Variants in PTBP3 observed in about 807,000 individuals in gnomAD.
The protein encoded by PTBP3 is polypyrimidine tract binding protein 3.
PTBP3 carries 20 observed loss-of-function variants against 58.7 expected under a neutral mutation model. The observed-to-expected ratio is 0.34, with a 90% CI of 0.24 to 0.50. The LOEUF is 0.50. Ranked by LOEUF, PTBP3 falls within the 20% of genes least tolerant of loss-of-function variation. PTBP3 has a pLI of 0.98. For missense variants in PTBP3, 509 were observed against 637.2 expected (o/e 0.80, Z 2.17); for synonymous variants, 185 against 219.8 (o/e 0.84, Z 1.40).
the PTBP3 span, among the ~76,000 whole-genome samples, chr9:112,347,363 C>T: frequency 7.2e-5 from 9 of 124,904 alleles, no homozygotes; most frequent in African/African-American, 3.1e-4. Context: ...TTTTTTGAGA[C>T]AGGGTCTCAC....
chr9:112,238,296 A>G (rs998946407), intron 7 of PTBP3, among the ~76,000 whole-genome samples: 18 of 152,306 alleles, frequency 1.2e-4, no homozygotes, highest in African/African-American at 4.1e-4. Context: ...TGAAAGCCAC[A>G]ATTGCTAAGA....
intron 1 of PTBP3, chr9:112,298,446 T>C (rs1828784053): frequency 5.3e-6 from 2 of 379,956 alleles, no homozygotes; most frequent in Admixed American, 7.0e-5. Context: ...TACTCTTTTT[T>C]TCAGGTAAGA....
At chr9:112,249,530 G>A (rs114700626) in intron 7 of PTBP3, among the ~76,000 whole-genome samples, 1 of 152,174 alleles carries the variant, frequency 6.6e-6, no homozygotes, top group African/African-American at 2.4e-5. Flanking sequence ...AGGCAAAGTA[G>A]AGAAACTTTC....
At position 112,262,562 on chromosome 9, in the gene PTBP3, T is replaced by G. The variant is rs144595337; in HGVS notation, c.389A>C (p.Gln130Pro). Residue 130 changes from glutamine to proline, a missense_variant, in exon 5 of 14, where the codon CAA becomes CCA. Gln to Pro is a moderately conservative substitution (Grantham distance 76). Coordinates refer to ENST00000374257, the MANE Select transcript of PTBP3 (RefSeq NM_001163788.4). ...QAALQAVSAVQSGSLALSGGP... is the reference protein window; with the variant it reads ...QAALQAVSAVPSGSLALSGGP... Reference sequence around the variant, plus strand: ...TCCAGAAAGGGCCAGGCTTCCTGATTGGACGGCACTGACAGCCTGCAGTGC... The same window carrying G: ...TCCAGAAAGGGCCAGGCTTCCTGATGGGACGGCACTGACAGCCTGCAGTGC... 1.3e-3 allele frequency: 2,132 copies of G among 1,610,724 alleles called. 11 individuals are homozygous for G. The highest frequency in any genetic ancestry group is 8.8e-3 in the Middle Eastern group (53 of 6,048).
At chr9:112,333,871 C>G (rs1830498967), upstream of PTBP3, among the ~76,000 whole-genome samples, 1 of 149,948 alleles carries the variant, frequency 6.7e-6, no homozygotes, top group Non-Finnish European at 1.5e-5. Flanking sequence ...CGCGCGCGCG[C>G]CCCCAGCCTC....
chr9:112,222,488 G>T lies in PTBP3; in HGVS notation c.*1363C>A, dbSNP rs913140974. On this transcript the variant is annotated 3_prime_UTR_variant, in exon 14 of 14. Transcript: ENST00000374257. Reference sequence around the variant, plus strand: ...TCTGATGGGTGAAAAAGATGAAACTGAGATTGCACTCTACAGCCCCAAATT... The same window carrying T: ...TCTGATGGGTGAAAAAGATGAAACTTAGATTGCACTCTACAGCCCCAAATT... 65 of 985,466 alleles carry T rather than the reference G, an allele frequency of 6.6e-5. No homozygotes were observed. The African/African-American group carries it at 1.0e-3, about 16-fold the overall frequency. The allele number at this position is 985,466 out of a possible 1,614,324, so 61.0% of individuals were successfully genotyped here.
intron 1 of PTBP3, chr9:112,330,422 G>C: frequency 6.8e-7 from 1 of 1,476,392 alleles, no homozygotes. Flanking sequence ...CATATGAAAG[G>C]ATAGTAAAAG....
intron 1 of PTBP3, among the ~76,000 whole-genome samples, chr9:112,331,481 T>A (rs550223678): frequency 6.6e-6 from 1 of 152,364 alleles, no homozygotes; most frequent in East Asian, 1.9e-4. Flanking sequence ...AGTCAACGAA[T>A]AAATGACTCT....
intron 5 of PTBP3, among the ~76,000 whole-genome samples, chr9:112,253,332 G>A (rs1836209166): frequency 6.6e-6 from 1 of 152,168 alleles, no homozygotes; most frequent in African/African-American, 2.4e-5. Flanking sequence ...TAAAAGAAGG[G>A]AAGGGGTGAG....
Position 112,234,843 on chromosome 9 carries a change from G to A in PTBP3, c.857C>T (p.Ala286Val), listed in dbSNP as rs770672291. Residue 286 changes from alanine (A) to valine (V), a missense_variant, in exon 8 of 14, where the codon GCC becomes GTC. Physicochemically the swap from Ala to Val is moderately conservative, Grantham distance 64. Transcript: ENST00000374257. ...PYAGAAGFAP[A>V]IGFPQATGLS... ...ACCTGTAGCTTGAGGAAATCCAATGGCTGGGGCAAATCCAGCAGCCCCTGC... is the reference window on the plus strand; with the variant it reads ...ACCTGTAGCTTGAGGAAATCCAATGACTGGGGCAAATCCAGCAGCCCCTGC... The A allele has an allele frequency of 6.2e-7, 1 of 1,612,716 alleles. No individual in the cohort carries two copies. Among genetic ancestry groups the A allele is most frequent in the Non-Finnish European group, 8.5e-7 (1 of 1,179,050 alleles).
In PTBP3 at chr9:112,232,122, G is replaced by A. The variant is rs746329640; in HGVS notation, c.997C>T (p.Leu333Phe). The part of the protein sequence containing the change: ...ASGIPGNSVL[L>F]VTNLNPDLIT... Reference sequence around the variant, plus strand: ...ACATCAGGATTGAGATTTGTGACGAGTAGAACAGAATTTCCTGGTATACCA... The same window carrying A: ...ACATCAGGATTGAGATTTGTGACGAATAGAACAGAATTTCCTGGTATACCA... The change falls in exon 9 of 14, where the codon CTC becomes TTC. Residue 333 changes from leucine (L) to phenylalanine (F), a missense_variant. Physicochemically the swap from Leu to Phe is conservative, Grantham distance 22 (BLOSUM62 0). Around this residue, in one of 4 missense-constraint regions of PTBP3, gnomAD observed 121 missense variants for 114.8 expected, o/e 1.05. Coordinates refer to ENST00000374257, the MANE Select transcript of PTBP3 (RefSeq NM_001163788.4). The A allele has an allele frequency of 6.2e-7, 1 of 1,612,502 alleles. No homozygotes were observed. Among genetic ancestry groups the A allele is most frequent in the Admixed American group, 1.7e-5 (1 of 59,646 alleles).
At chr9:112,346,361 T>C in the PTBP3 span, among the ~76,000 whole-genome samples, 1 of 151,768 alleles carries the variant, frequency 6.6e-6, no homozygotes, top group Non-Finnish European at 1.5e-5. Context: ...GAGGTGGCAT[T>C]TCTCCATGTT....
intron 1 of PTBP3, among the ~76,000 whole-genome samples, chr9:112,329,465 T>C (rs1830280919): frequency 6.6e-6 from 1 of 152,206 alleles, no homozygotes; most frequent in Non-Finnish European, 1.5e-5. Context: ...TGAAATGATT[T>C]ATAACCTAGA....
chr9:112,254,033 T>C (rs1836245277), intron 5 of PTBP3, among the ~76,000 whole-genome samples: 1 of 152,226 alleles, frequency 6.6e-6, no homozygotes, highest in South Asian at 2.1e-4. Context: ...AAGATTTTGC[T>C]GTTACCAACC....
At chr9:112,287,758 T>C (rs1451132558) in intron 2 of PTBP3, among the ~76,000 whole-genome samples, 1 of 152,224 alleles carries the variant, frequency 6.6e-6, no homozygotes, top group Non-Finnish European at 1.5e-5. Context: ...TCAGGTGTCT[T>C]ATTTTTAATC....
chr9:112,242,325 C>T (rs1005164823), intron 7 of PTBP3, among the ~76,000 whole-genome samples: 16 of 152,120 alleles, frequency 1.1e-4, no homozygotes, highest in Non-Finnish European at 2.1e-4. Flanking sequence ...GATCACCAGG[C>T]TAGGTAGGAG....
Position 112,333,503 on chromosome 9 carries a change from C to T in PTBP3, c.-85G>A, listed in dbSNP as rs376741514. The T allele has an allele frequency of 2.1e-5, 33 of 1,587,324 alleles. No homozygotes were observed. Among genetic ancestry groups the T allele is most frequent in the Non-Finnish European group, 2.7e-5 (32 of 1,167,162 alleles). On this transcript the variant is annotated 5_prime_UTR_variant, in exon 1 of 14. Coordinates refer to ENST00000374257, the MANE Select transcript of PTBP3 (RefSeq NM_001163788.4). ...GGCCCAGATGGAGGCGCGCACAGAGCAGGGACTGACGGGCTAACCGCGAGC... is the reference window on the plus strand; with the variant it reads ...GGCCCAGATGGAGGCGCGCACAGAGTAGGGACTGACGGGCTAACCGCGAGC...
At position 112,223,667 on chromosome 9, in the gene PTBP3, TTGAC is replaced by T. The variant is rs1834876434; in HGVS notation, c.*180_*183del. The T allele has an allele frequency of 1.3e-5, 17 of 1,293,336 alleles. No homozygotes were observed. The highest frequency in any genetic ancestry group is 1.6e-5 in the Non-Finnish European group (16 of 1,019,502). The allele number at this position is 1,293,336 out of a possible 1,614,324, so 80.1% of individuals were successfully genotyped here. A position where few individuals can be genotyped will look rare whatever the true frequency, so the allele number is the denominator to read the frequency against. ...CATGGTAAAAAGGGAAAAGAAACCT[TTGAC>T]TGGCGGGGGCAGGGGGAATACAAAA... On this transcript the variant is annotated 3_prime_UTR_variant, in exon 14 of 14. Coordinates refer to ENST00000374257, the MANE Select transcript of PTBP3 (RefSeq NM_001163788.4).
At chr9:112,331,143 T>C (rs1442762780) in intron 1 of PTBP3, among the ~76,000 whole-genome samples, 1 of 147,928 alleles carries the variant, frequency 6.8e-6, no homozygotes. Context: ...CAGTTGGGAT[T>C]TGAGGAGGAA....
Sources: gnomAD v4.1 joint callset for allele counts (sites outside exome capture counted in the v4.1 genomes callset) on GRCh38, gnomAD v4.1.1 for gene constraint, gnomAD v4.1.1 regional missense constraint, MANE v1.5 for transcripts, NCBI Gene and HGNC (gene_info 2026-07-23, HGNC 2026-07-21) for gene names.